PCDH20: variants seen among roughly 807,000 people sequenced by gnomAD.
PCDH20 encodes the protein protocadherin 20.
In PCDH20, 18 loss-of-function variants were observed where a neutral mutation model predicts 39.7. The ratio of observed to expected loss-of-function variants is 0.45; its 90% CI spans 0.31 to 0.67. The LOEUF (loss-of-function observed/expected upper bound fraction) is 0.67. PCDH20 is among the 30% of genes least tolerant of loss of function. The pLI is 0.05. For synonymous variants in PCDH20, 495 were observed against 455.4 expected, an observed-to-expected ratio of 1.09 and a Z score of -1.11; for missense variants, 1,161 against 1,167.4, an observed-to-expected ratio of 0.99 and a Z score of 0.08.
chr13:61,411,650 G>A, exon 2 of PCDH20: 1 of 1,614,206 alleles, frequency 6.2e-7, no homozygotes, highest in South Asian at 1.1e-5. Context: ...AAGCGATGGA[G>A]CCCATAATCT....
exon 2 of PCDH20, chr13:61,413,796 C>A (rs1414450608): frequency 1.9e-6 from 3 of 1,613,218 alleles, no homozygotes; most frequent in African/African-American, 1.3e-5. Context: ...GCTGCGACTG[C>A]GGGTCCGGCC....
At chr13:61,411,922 G>T in exon 2 of PCDH20, 1 of 1,614,072 alleles carries the variant, frequency 6.2e-7, no homozygotes, top group Non-Finnish European at 8.5e-7. Flanking sequence ...TGTGATTTTT[G>T]CTGTAGAGGA....
At position 61,413,631 on chromosome 13, in the gene PCDH20, C is replaced by T. The variant is rs369000947; in HGVS notation, c.468G>A (p.Gly156=). The change falls in exon 2 of 2, where the codon GGG becomes GGA. Residue 156 remains glycine, a synonymous_variant. Coordinates refer to ENST00000409204, the Ensembl canonical transcript of PCDH20. The stretch of plus-strand genomic sequence containing the variant: ...TGCCGCTCCACGCAGTCCCTCCACC[C>T]CCTTCAACACACAGGGCCTCCCTGT... The T allele has an allele frequency of 1.1e-5, 18 of 1,614,096 alleles. No homozygotes were observed. In the African/African-American group the frequency reaches 1.5e-4, roughly 13 times the overall value.
exon 1 of PCDH20, chr13:61,415,104 G>A: frequency 1.3e-6 from 2 of 1,557,226 alleles, no homozygotes; most frequent in Admixed American, 3.7e-5. Context: ...CAGGTCGCCG[G>A]GCACCAGCTC....
At chr13:61,413,297 G>C (rs150237018) in exon 2 of PCDH20, 1 of 1,613,986 alleles carries the variant, frequency 6.2e-7, no homozygotes, top group Non-Finnish European at 8.5e-7. Context: ...TAGGGGGTGC[G>C]CTCCCCATTC....
At chr13:61,414,617 C>T (rs1439903547) in intron 1 of PCDH20, among the ~76,000 whole-genome samples, 1 of 152,136 alleles carries the variant, frequency 6.6e-6, no homozygotes, top group African/African-American at 2.4e-5. Context: ...TGGATTTCCA[C>T]CCCTTACCAA....
exon 2 of PCDH20, chr13:61,411,531 A>G: frequency 1.2e-6 from 2 of 1,614,186 alleles, no homozygotes; most frequent in Non-Finnish European, 1.7e-6. Flanking sequence ...CTTTTCTTAA[A>G]AGACTCTCAA....
rs761673359 is a variant in PCDH20, at chr13:61,413,008, G to C, written c.1091C>G (p.Pro364Arg). 5.0e-6 allele frequency: 8 copies of C among 1,613,988 alleles called. No homozygotes were observed. In the East Asian group the frequency reaches 1.8e-4, roughly 36 times the overall value. Residue 364 changes from proline to arginine, a missense_variant, in exon 2 of 2, where the codon CCA (proline) becomes CGA (arginine). Around this residue, in one of 3 missense-constraint regions of PCDH20, gnomAD observed 754 missense variants for 777.5 expected, o/e 0.97. Coordinates refer to ENST00000409204, the Ensembl canonical transcript of PCDH20. The stretch of plus-strand genomic sequence containing the variant: ...GTGAAATAAATCCTTAGATGCTTGT[G>C]GAACTTTCTGACTGTAAGAATAAGT...
In PCDH20 at chr13:61,413,752, G is replaced by C. The variant is rs754782713; in HGVS notation, c.347C>G (p.Pro116Arg). The C allele has an allele frequency of 6.8e-6, 11 of 1,613,676 alleles. No individual in the cohort carries two copies. In the South Asian group the frequency reaches 7.7e-5, roughly 11 times the overall value. ...CCGGGAGGCCAGGCTGAAGGAGAGA[G>C]GGGGGTTCCACTCAGCACCGGTGCG... The change falls in exon 2 of 2, where the codon CCT becomes CGT. Residue 116 changes from proline (P) to arginine (R), a missense_variant. Pro to Arg is a moderately radical substitution (Grantham distance 103). Transcript: ENST00000409204.
At chr13:61,411,733 C>G in exon 2 of PCDH20, 1 of 1,614,164 alleles carries the variant, frequency 6.2e-7, no homozygotes, top group Non-Finnish European at 8.5e-7. Context: ...AGGCCTAGGA[C>G]CTCTTCTCCC....
exon 1 of PCDH20, chr13:61,415,506 G>C (rs769591977): frequency 4.8e-6 from 1 of 206,312 alleles, no homozygotes; most frequent in African/African-American, 2.3e-5. Context: ...TAGCAAGAGA[G>C]GGAGAATTAA....
Position 61,411,472 on chromosome 13 carries a change from G to A in PCDH20, c.2627C>T (p.Pro876Leu), listed in dbSNP as rs922490150. The A allele has an allele frequency of 1.1e-5, 17 of 1,613,794 alleles. No individual in the cohort carries two copies. The African/African-American group carries it at 1.1e-4, about 10-fold the overall frequency. The change falls in exon 2 of 2, where the codon CCG (proline) becomes CTG (leucine). Residue 876 changes from proline (P) to leucine (L), a missense_variant. By Grantham distance (98) the Pro-to-Leu change is moderately conservative. Transcript: ENST00000409204. ...CACAGATTCTACCTTCCTATGAGTCGGTTCTATTGAGATTTGTGGTTCTTT... is the reference window on the plus strand; with the variant it reads ...CACAGATTCTACCTTCCTATGAGTCAGTTCTATTGAGATTTGTGGTTCTTT...
At chr13:61,412,447 T>C in exon 2 of PCDH20, 1 of 1,614,178 alleles carries the variant, frequency 6.2e-7, no homozygotes, top group Non-Finnish European at 8.5e-7. Flanking sequence ...CAAAAAGGCA[T>C]TGGGTGAGTT....
At chr13:61,411,564 G>A (rs1488363344) in exon 2 of PCDH20, 1 of 1,614,160 alleles carries the variant, frequency 6.2e-7, no homozygotes. Flanking sequence ...TACTGACAGT[G>A]TCATTGACAA....
chr13:61,413,906 C>T, exon 2 of PCDH20: 1 of 1,613,414 alleles, frequency 6.2e-7, no homozygotes, highest in Non-Finnish European at 8.5e-7. Context: ...AGCTCGGTGG[C>T]CCGGCTGTAA....
chr13:61,412,133 C>T lies in PCDH20; in HGVS notation c.1966G>A (p.Gly656Ser), dbSNP rs770989899. ...GTTACACTAATTACTCCAATCTCAC[C>T]ATAGCCTGGAAAGTTTTCAGGCACA... The change falls in exon 2 of 2, where the codon GGT becomes AGT. Residue 656 changes from glycine (G) to serine (S), a missense_variant. Gly to Ser is a moderately conservative substitution (Grantham distance 56). Transcript: ENST00000409204. The T allele has an allele frequency of 4.3e-6, 7 of 1,614,000 alleles. No individual in the cohort carries two copies. In the African/African-American group the frequency reaches 8.0e-5, roughly 18 times the overall value.
At chr13:61,412,139 C>T in exon 2 of PCDH20, 1 of 1,614,122 alleles carries the variant, frequency 6.2e-7, no homozygotes, top group Admixed American at 1.7e-5. Flanking sequence ...TCACCATAGC[C>T]TGGAAAGTTT....
rs1033970606 is a variant in PCDH20, at chr13:61,413,380, C to T, written c.719G>A (p.Gly240Asp). The change falls in exon 2 of 2, where the codon GGC becomes GAC. Residue 240 changes from glycine to aspartate, a missense_variant. By Grantham distance (94) the Gly-to-Asp change is moderately conservative. This residue lies in a region of PCDH20 where 401 missense variants were observed against 368.7 expected (regional missense o/e 1.09). Coordinates refer to ENST00000409204, the Ensembl canonical transcript of PCDH20. ...GCGATAGGTCTGTACCCCATTAATGCCTACATCTGGGTCCACAGCAGGATG... is the reference window on the plus strand; with the variant it reads ...GCGATAGGTCTGTACCCCATTAATGTCTACATCTGGGTCCACAGCAGGATG... 2.5e-6 allele frequency: 4 copies of T among 1,614,082 alleles called. No homozygotes were observed. In the Admixed American group the frequency reaches 5.0e-5, roughly 20 times the overall value.
At chr13:61,411,925 G>A in exon 2 of PCDH20, 2 of 1,614,126 alleles carry the variant, frequency 1.2e-6, no homozygotes, top group South Asian at 1.1e-5. Flanking sequence ...GATTTTTGCT[G>A]TAGAGGAGAG....
Sources: allele counts gnomAD v4.1 joint callset (sites outside exome capture counted in the v4.1 genomes callset), GRCh38; gene constraint gnomAD v4.1.1; regional missense constraint gnomAD v4.1.1; transcripts MANE v1.5; gene names NCBI Gene and HGNC (gene_info 2026-07-23, HGNC 2026-07-21).